The following LURAP1 variants were observed in gnomAD, a reference collection of about 807,000 sequenced individuals.
LURAP1 encodes NF-kappa-B activator C1orf190.
A neutral mutation model predicts 19.0 loss-of-function variants in LURAP1; 14 were observed. That is an observed-to-expected ratio of 0.74 (90% CI 0.49 to 1.15). The LOEUF (loss-of-function observed/expected upper bound fraction) is 1.15. LURAP1 is among the 50% of genes most tolerant of loss of function. LURAP1 has a pLI of 0.00. For synonymous variants in LURAP1, 129 were observed against 131.8 expected (o/e 0.98, Z 0.14); for missense variants, 273 against 309.1 (o/e 0.88, Z 0.87).
At chr1:46,210,546 T>C (rs1290570281) in intron 1 of LURAP1, among the ~76,000 whole-genome samples, 2 of 152,194 alleles carry the variant, frequency 1.3e-5, no homozygotes, top group African/African-American at 2.4e-5. Context: ...CAGCTTCAAA[T>C]TGGGGTTCCT....
chr1:46,215,413 A>G (rs1659035865), intron 1 of LURAP1, among the ~76,000 whole-genome samples: 1 of 152,202 alleles, frequency 6.6e-6, no homozygotes, highest in Non-Finnish European at 1.5e-5. Context: ...CAGTTTCCAG[A>G]TTGAAAAGGC....
chr1:46,207,906 C>T (rs1365654587), intron 1 of LURAP1, among the ~76,000 whole-genome samples: 2 of 151,622 alleles, frequency 1.3e-5, no homozygotes, highest in African/African-American at 2.4e-5. Flanking sequence ...TCGTTCTTGG[C>T]GTCCAGGCTG....
chr1:46,210,168 T>A (rs897294034), intron 1 of LURAP1, among the ~76,000 whole-genome samples: 2 of 152,206 alleles, frequency 1.3e-5, no homozygotes, highest in African/African-American at 4.8e-5. Context: ...ATTTGTTCAA[T>A]TGAATTAGAG....
Position 46,221,148 on chromosome 1 carries a change from C to T in LURAP1, c.*928C>T, listed in dbSNP as rs545646997. ...ACATTATTTATCGTCCATACCATTA[C>T]TTCTTGTGAACAGTAACATGTCACT... On this transcript the variant is annotated 3_prime_UTR_variant, in exon 2 of 2. Transcript: ENST00000371980. The T allele has an allele frequency of 2.0e-5, 3 of 152,348 alleles. No individual in the cohort carries two copies. In the South Asian group the frequency reaches 6.2e-4, roughly 32 times the overall value. The allele number at this position is 152,348 out of a possible 1,614,324, so 9.4% of individuals were successfully genotyped here.
rs977620205 is a variant in LURAP1 at position 46,219,709 on chromosome 1, G to A, written c.209G>A (p.Arg70Gln). 1.9e-6 allele frequency: 3 copies of A among 1,589,574 alleles called. No individual in the cohort carries two copies. The highest frequency in any genetic ancestry group is 2.2e-5 in the East Asian group (1 of 44,638). ...CTCCCACTCCCCCAGGCTTACCTGC[G>A]AGCCATCGATGTGAAGATCCTGCAG... ...MALKMELAYL[R>Q]AIDVKILQQL... The change falls in exon 2 of 2, where the codon CGA (arginine) becomes CAA (glutamine). Residue 70 changes from arginine (R) to glutamine (Q), a missense_variant. By Grantham distance (43) the Arg-to-Gln change is conservative. Coordinates refer to ENST00000371980, the MANE Select transcript of LURAP1 (RefSeq NM_001013615.3).
chr1:46,206,948 C>T (rs1453166266), intron 1 of LURAP1, among the ~76,000 whole-genome samples: 2 of 152,174 alleles, frequency 1.3e-5, no homozygotes, highest in Non-Finnish European at 2.9e-5. Context: ...GAAGGGCCTC[C>T]TGGAAGAGTC....
intron 1 of LURAP1, among the ~76,000 whole-genome samples, chr1:46,204,971 G>A (rs1038228214): frequency 5.8e-4 from 88 of 152,240 alleles, no homozygotes; most frequent in African/African-American, 1.9e-3. Context: ...AGAAACTGAG[G>A]CACAGGGTGG....
intron 1 of LURAP1, among the ~76,000 whole-genome samples, chr1:46,211,534 A>G (rs1658897151): frequency 6.6e-6 from 1 of 152,060 alleles, no homozygotes; most frequent in Non-Finnish European, 1.5e-5. Flanking sequence ...AGAGCCAAAT[A>G]GCCTACCATT....
chr1:46,212,992 C>T (rs1658951305), intron 1 of LURAP1, among the ~76,000 whole-genome samples: 1 of 152,114 alleles, frequency 6.6e-6, no homozygotes, highest in African/African-American at 2.4e-5. Flanking sequence ...TCTCGATCTC[C>T]TGACCTCTAG....
At chr1:46,218,891 C>A (rs1412197660) in intron 1 of LURAP1, among the ~76,000 whole-genome samples, 2 of 152,106 alleles carry the variant, frequency 1.3e-5, no homozygotes, top group African/African-American at 4.8e-5. Context: ...GGTTAGCTCT[C>A]TTTATTCCCC....
At chr1:46,217,606 C>T (rs945293364) in intron 1 of LURAP1, among the ~76,000 whole-genome samples, 17 of 152,058 alleles carry the variant, frequency 1.1e-4, no homozygotes, top group African/African-American at 3.4e-4. Flanking sequence ...CTTGTAATCC[C>T]GGCACTTTGG....
At chr1:46,208,140 G>A (rs1658778370) in intron 1 of LURAP1, among the ~76,000 whole-genome samples, 2 of 152,130 alleles carry the variant, frequency 1.3e-5, no homozygotes, top group Non-Finnish European at 2.9e-5. Flanking sequence ...GATTACAGGT[G>A]TGAGCCACCC....
intron 1 of LURAP1, among the ~76,000 whole-genome samples, chr1:46,215,604 TA>T (rs984629598): frequency 4.6e-5 from 7 of 152,160 alleles, no homozygotes; most frequent in African/African-American, 1.7e-4. Flanking sequence ...CACTGAAAAT[TA>T]AAAGACATGG....
chr1:46,216,467 G>A (rs748971449), intron 1 of LURAP1, among the ~76,000 whole-genome samples: 6 of 152,026 alleles, frequency 3.9e-5, no homozygotes, highest in African/African-American at 7.3e-5. Context: ...TCAGCCTCCC[G>A]AGGAGCTGGG....
intron 1 of LURAP1, among the ~76,000 whole-genome samples, chr1:46,205,622 G>A (rs1265118467): frequency 1.3e-5 from 2 of 152,184 alleles, no homozygotes; most frequent in African/African-American, 4.8e-5. Flanking sequence ...ACTTTAAGGG[G>A]CTGCATTTAA....
intron 1 of LURAP1, among the ~76,000 whole-genome samples, chr1:46,206,825 C>T (rs1418592225): frequency 6.6e-6 from 1 of 152,176 alleles, no homozygotes; most frequent in South Asian, 2.1e-4. Flanking sequence ...CTGGGCCAAG[C>T]ACCAGAAATG....
Position 46,219,783 on chromosome 1 carries a change from G to A in LURAP1, c.283G>A (p.Glu95Lys), listed in dbSNP as rs1659175901. The change falls in exon 2 of 2, where the codon GAG (glutamate) becomes AAG (lysine). Residue 95 changes from glutamate to lysine, a missense_variant. By Grantham distance (56) the Glu-to-Lys change is moderately conservative. Transcript: ENST00000371980. The stretch of plus-strand genomic sequence containing the variant: ...CATCGAGGCAGTGCGCTGGCTGTTG[G>A]AGGAGCGGGGGACGTTGACCAGTCA... ...EGIEAVRWLL[E>K]ERGTLTSHCS... 6.2e-7 allele frequency: 1 copy of A among 1,614,076 alleles called. No individual in the cohort carries two copies. The highest frequency in any genetic ancestry group is 8.5e-7 in the Non-Finnish European group (1 of 1,180,034).
chr1:46,210,120 T>A (rs1658848014), intron 1 of LURAP1, among the ~76,000 whole-genome samples: 1 of 152,328 alleles, frequency 6.6e-6, no homozygotes, highest in South Asian at 2.1e-4. Context: ...TTCTCCATTA[T>A]CTTTGTAATT....
intron 1 of LURAP1, 31 bp downstream of exon 1, chr1:46,203,655 G>A (rs940130507): frequency 1.9e-6 from 3 of 1,588,890 alleles, no homozygotes; most frequent in Non-Finnish European, 1.7e-6. Context: ...CCAAGGGGAC[G>A]AGTCCCTAGT....
Sources: allele counts gnomAD v4.1 joint callset (sites outside exome capture counted in the v4.1 genomes callset), GRCh38; gene constraint gnomAD v4.1.1; transcripts MANE v1.5; gene names NCBI Gene and HGNC (gene_info 2026-07-23, HGNC 2026-07-21).